SPRR2G: variants seen among roughly 807,000 people sequenced by gnomAD.
The protein encoded by SPRR2G is small proline-rich protein 2G.
SPRR2G carries 1 observed loss-of-function variant against 0.7 expected under a neutral mutation model. That is an observed-to-expected ratio of 1.49 (90% CI 0.53 to 7.06). SPRR2G has a LOEUF of 7.06. SPRR2G is among the 30% of genes most tolerant of loss of function. The probability of loss-of-function intolerance (pLI) is 0.14; values close to 1 mark genes in which losing one functional copy is unlikely to be tolerated. For missense variants in SPRR2G, 96 were observed against 88.5 expected, an observed-to-expected ratio of 1.09 and a Z score of -0.34; for synonymous variants, 38 against 33.9, an observed-to-expected ratio of 1.12 and a Z score of -0.42.
chr1:153,171,967 C>T, the SPRR2G span, among the ~76,000 whole-genome samples: 1 of 152,096 alleles, frequency 6.6e-6, no homozygotes, highest in Non-Finnish European at 1.5e-5. Context: ...TGTCCTTTGG[C>T]CATGTACTAA....
upstream of SPRR2G, among the ~76,000 whole-genome samples, chr1:153,154,166 G>T (rs1325431286): frequency 6.7e-6 from 1 of 150,166 alleles, no homozygotes; most frequent in Non-Finnish European, 1.5e-5. Flanking sequence ...TTTTAGAAAA[G>T]AAAGAAATTT....
the SPRR2G span, among the ~76,000 whole-genome samples, chr1:153,177,391 G>C: frequency 1.5e-4 from 23 of 152,284 alleles, no homozygotes; most frequent in African/African-American, 5.5e-4. Flanking sequence ...TCATAGCATG[G>C]TTGTATGTTT....
At chr1:153,165,157 C>CATGGATGGATGG in the SPRR2G span, among the ~76,000 whole-genome samples, 1,059 of 149,172 alleles carry the variant, frequency 7.1e-3, 14 homozygotes, top group African/African-American at 0.021. Context: ...AGAAAGCAAA[C>CATGGATGGATGG]ATGGATGGAT....
the SPRR2G span, among the ~76,000 whole-genome samples, chr1:153,168,295 A>G: frequency 6.6e-6 from 1 of 152,200 alleles, no homozygotes; most frequent in Non-Finnish European, 1.5e-5. Context: ...TTGGTCTCTC[A>G]AAGTTCCACT....
At chr1:153,162,439 C>T in the SPRR2G span, among the ~76,000 whole-genome samples, 1 of 152,174 alleles carries the variant, frequency 6.6e-6, no homozygotes, top group Admixed American at 6.5e-5. Context: ...CCAGAATAAC[C>T]CAAACACTCT....
the SPRR2G span, among the ~76,000 whole-genome samples, chr1:153,202,284 G>C: frequency 2.0e-5 from 3 of 152,110 alleles, no homozygotes; most frequent in African/African-American, 7.2e-5. Flanking sequence ...TCCCATGCCC[G>C]AGGACTTTTT....
chr1:153,173,301 C>G, the SPRR2G span, among the ~76,000 whole-genome samples: 1 of 152,190 alleles, frequency 6.6e-6, no homozygotes, highest in African/African-American at 2.4e-5. Context: ...CGATTACTCC[C>G]TGGCTGCTCT....
chr1:153,201,218 G>A, the SPRR2G span, among the ~76,000 whole-genome samples: 21 of 152,320 alleles, frequency 1.4e-4, no homozygotes, highest in East Asian at 4.1e-3. Flanking sequence ...GGTAAGGCTA[G>A]TAGCTGGGAT....
chr1:153,184,094 C>T, the SPRR2G span, among the ~76,000 whole-genome samples: 1 of 152,144 alleles, frequency 6.6e-6, no homozygotes, highest in Non-Finnish European at 1.5e-5. Flanking sequence ...GTTTTGGTAC[C>T]AGTACCATGC....
chr1:153,195,064 T>A, the SPRR2G span, among the ~76,000 whole-genome samples: 1 of 152,100 alleles, frequency 6.6e-6, no homozygotes, highest in Non-Finnish European at 1.5e-5. Flanking sequence ...CAGTGCCAGA[T>A]CCCCTGCCAG....
the SPRR2G span, among the ~76,000 whole-genome samples, chr1:153,193,760 G>C: frequency 6.6e-6 from 1 of 152,126 alleles, no homozygotes; most frequent in Non-Finnish European, 1.5e-5. Flanking sequence ...AAGTCCCAAA[G>C]ACCTGAGGTG....
At chr1:153,161,726 T>C in the SPRR2G span, among the ~76,000 whole-genome samples, 1 of 152,160 alleles carries the variant, frequency 6.6e-6, no homozygotes, top group Non-Finnish European at 1.5e-5. Flanking sequence ...AGCAAAGAAA[T>C]GAGAATGACC....
At chr1:153,186,911 C>T in the SPRR2G span, among the ~76,000 whole-genome samples, 2 of 152,160 alleles carry the variant, frequency 1.3e-5, no homozygotes, top group Non-Finnish European at 2.9e-5. Context: ...CAAAATCACT[C>T]AGCATTTGCT....
the SPRR2G span, among the ~76,000 whole-genome samples, chr1:153,174,966 G>A: frequency 2.0e-5 from 3 of 152,174 alleles, no homozygotes; most frequent in Admixed American, 6.5e-5. Context: ...GCAGCAGGCT[G>A]TACCCTAGAG....
chr1:153,180,041 G>C, the SPRR2G span, among the ~76,000 whole-genome samples: 1 of 152,120 alleles, frequency 6.6e-6, no homozygotes. Flanking sequence ...TGTTCACTAA[G>C]TTGCAGGAAT....
At chr1:153,188,116 G>C in the SPRR2G span, among the ~76,000 whole-genome samples, 1 of 152,190 alleles carries the variant, frequency 6.6e-6, no homozygotes, top group East Asian at 1.9e-4. Context: ...GCCAGCCAGA[G>C]CTCTCCTGTA....
At chr1:153,189,818 A>G in the SPRR2G span, among the ~76,000 whole-genome samples, 12 of 152,156 alleles carry the variant, frequency 7.9e-5, no homozygotes, top group Non-Finnish European at 2.9e-5. Flanking sequence ...TGCCTTAGGA[A>G]CAGGGGACAC....
At chr1:153,166,010 C>A in the SPRR2G span, among the ~76,000 whole-genome samples, 4 of 152,198 alleles carry the variant, frequency 2.6e-5, no homozygotes, top group African/African-American at 9.7e-5. Context: ...ATTTTGCTTT[C>A]TATTCAAGGC....
chr1:153,180,639 T>A, the SPRR2G span, among the ~76,000 whole-genome samples: 1 of 152,166 alleles, frequency 6.6e-6, no homozygotes, highest in African/African-American at 2.4e-5. Flanking sequence ...CCTAGGAAAA[T>A]ATAATGACTG....
Sources: allele counts gnomAD v4.1 joint callset (sites outside exome capture counted in the v4.1 genomes callset), GRCh38; gene constraint gnomAD v4.1.1; transcripts MANE v1.5; gene names NCBI Gene and HGNC (gene_info 2026-07-23, HGNC 2026-07-21).